The following SLIT3 variants were observed in gnomAD, a reference collection of about 807,000 sequenced individuals.
SLIT3 encodes slit guidance ligand 3, also known as slit homolog 3 protein.
A neutral mutation model predicts 184.0 loss-of-function variants in SLIT3; 68 were observed. The observed-to-expected ratio is 0.37, with a 90% confidence interval of 0.30 to 0.45. The LOEUF (loss-of-function observed/expected upper bound fraction) is 0.45, where lower values mean the gene tolerates loss of function less well. Ranked by LOEUF, SLIT3 falls within the 20% of genes least tolerant of loss-of-function variation. The pLI is 1.00. For synonymous variants in SLIT3, 831 were observed against 828.6 expected, an observed-to-expected ratio of 1.00 and a Z score of -0.05; for missense variants, 1,707 against 2,026.0, an observed-to-expected ratio of 0.84 and a Z score of 3.02.
intron 4 of SLIT3, among the ~76,000 whole-genome samples, chr5:169,072,465 A>G (rs1353400327): frequency 6.6e-6 from 1 of 152,216 alleles, no homozygotes; most frequent in Non-Finnish European, 1.5e-5. Context: ...CTCTCACATT[A>G]TTCATTCCAG....
intron 4 of SLIT3, among the ~76,000 whole-genome samples, chr5:168,961,611 T>A (rs1325719188): frequency 6.6e-6 from 1 of 152,124 alleles, no homozygotes; most frequent in Admixed American, 6.5e-5. Flanking sequence ...GAGAACAAGG[T>A]GAACCGGTAC....
chr5:168,801,794 A>C lies in SLIT3; in HGVS notation c.935+4652T>G, dbSNP rs143249015. 1.9e-4 allele frequency among the ~76,000 whole-genome samples: 29 copies of C among 152,334 alleles called. No individual in the cohort carries two copies. In the East Asian group the frequency reaches 5.6e-3, roughly 29 times the overall value. On this transcript the variant is annotated intron_variant, in intron 9 of 35. Coordinates refer to ENST00000519560, the MANE Select transcript of SLIT3 (RefSeq NM_003062.4). ...GAGCTCAGCTTCGAAGAAAATCTGCAGTGAATCATCATCTCACTGTGGGTT... is the reference window on the plus strand; with the variant it reads ...GAGCTCAGCTTCGAAGAAAATCTGCCGTGAATCATCATCTCACTGTGGGTT...
rs532433001 is a variant in SLIT3 at position 168,747,537 on chromosome 5, C to T, written c.2270+765G>A. On this transcript the variant is annotated intron_variant, in intron 20 of 35. Coordinates refer to ENST00000519560, the MANE Select transcript of SLIT3 (RefSeq NM_003062.4). ...GTGAGTGTGTGGTGCTCCTCTGGTCCTAGCTGCAGTGCTCTTGGTGCATTC... is the reference window on the plus strand; with the variant it reads ...GTGAGTGTGTGGTGCTCCTCTGGTCTTAGCTGCAGTGCTCTTGGTGCATTC... 2.6e-5 allele frequency among the ~76,000 whole-genome samples: 4 copies of T among 152,214 alleles called. No homozygotes were observed. The East Asian group carries it at 7.7e-4, about 29-fold the overall frequency.
At chr5:168,907,331 G>T (rs1761083965) in intron 4 of SLIT3, among the ~76,000 whole-genome samples, 1 of 152,196 alleles carries the variant, frequency 6.6e-6, no homozygotes, top group Non-Finnish European at 1.5e-5. Context: ...GACCATAAGA[G>T]CCTAATTCCT....
intron 14 of SLIT3, among the ~76,000 whole-genome samples, chr5:168,770,339 GT>G (rs1414821564): frequency 3.3e-5 from 5 of 152,192 alleles, no homozygotes; most frequent in Non-Finnish European, 5.9e-5. Context: ...TACATCAGCT[GT>G]CTTTTCAATG....
chr5:168,681,578 C>G (rs1761592754), intron 32 of SLIT3, among the ~76,000 whole-genome samples: 1 of 152,170 alleles, frequency 6.6e-6, no homozygotes, highest in South Asian at 2.1e-4. Flanking sequence ...TAAGACAGAG[C>G]CTGGTGTCTC....
chr5:168,786,303 A>G (rs756322238), intron 11 of SLIT3, among the ~76,000 whole-genome samples: 4 of 152,308 alleles, frequency 2.6e-5, no homozygotes, highest in Admixed American at 1.3e-4. Flanking sequence ...CTCACACCCC[A>G]GCAATAAATA....
At chr5:168,717,624 A>G (rs1343273194) in intron 23 of SLIT3, among the ~76,000 whole-genome samples, 2 of 151,866 alleles carry the variant, frequency 1.3e-5, no homozygotes, top group East Asian at 3.9e-4. Flanking sequence ...GAATAAGACA[A>G]TGATCTTGAA....
chr5:169,257,532 CCTTTTT>C (rs1444690457), intron 1 of SLIT3, among the ~76,000 whole-genome samples: 4 of 131,606 alleles, frequency 3.0e-5, no homozygotes, highest in Non-Finnish European at 4.7e-5. Context: ...TTCTATGCCT[CCTTTTT>C]TTTTTTTTTT....
At chr5:168,765,383 T>C (rs892888805) in intron 14 of SLIT3, among the ~76,000 whole-genome samples, 8 of 152,184 alleles carry the variant, frequency 5.3e-5, no homozygotes, top group Non-Finnish European at 8.8e-5. Context: ...CCCCCTGCTG[T>C]TTTTGTTATT....
intron 4 of SLIT3, among the ~76,000 whole-genome samples, chr5:168,989,979 G>A (rs1238018780): frequency 6.6e-6 from 1 of 152,188 alleles, no homozygotes; most frequent in Non-Finnish European, 1.5e-5. Flanking sequence ...AGAAAGTCCA[G>A]GTTCAGCCAT....
intron 4 of SLIT3, among the ~76,000 whole-genome samples, chr5:169,001,156 T>A (rs895098928): frequency 6.6e-6 from 1 of 152,244 alleles, no homozygotes; most frequent in African/African-American, 2.4e-5. Context: ...TAAATGAGCA[T>A]CTGATGAGGA....
rs199914264 is a variant in SLIT3 at position 168,789,586 on chromosome 5, G to C, written c.1053C>G (p.Phe351Leu). Residue 351 changes from phenylalanine to leucine, a missense_variant, in exon 11 of 36, where the codon TTC becomes TTG. Coordinates refer to ENST00000519560, the MANE Select transcript of SLIT3 (RefSeq NM_003062.4). ...NQISDIAPDA[F>L]QGLKSLTSLV... is the part of the protein sequence containing the mutation. The stretch of plus-strand genomic sequence containing the variant: ...GCGATGTGAGTGATTTCAGGCCCTG[G>C]AAGGCATCTGGAGCAATATCCGATA... The C allele has an allele frequency of 1.2e-6, 2 of 1,613,706 alleles. No individual in the cohort carries two copies. The highest frequency in any genetic ancestry group is 1.7e-6 in the Non-Finnish European group (2 of 1,179,850).
At chr5:169,174,484 T>C (rs1379165058) in intron 4 of SLIT3, among the ~76,000 whole-genome samples, 6 of 152,188 alleles carry the variant, frequency 3.9e-5, no homozygotes, top group Non-Finnish European at 8.8e-5. Context: ...GGAAAGACTC[T>C]TGTTCTGGTT....
chr5:168,768,398 GCAGCCCT>G, intron 14 of SLIT3: 1 of 415,234 alleles, frequency 2.4e-6, no homozygotes, highest in African/African-American at 2.4e-5. Flanking sequence ...TCCGAAGATT[GCAGCCCT>G]GCTGCCCTTG....
chr5:168,712,140 A>G, intron 24 of SLIT3, 143 bp downstream of exon 24: 1 of 705,622 alleles, frequency 1.4e-6, no homozygotes, highest in Non-Finnish European at 2.5e-6. Flanking sequence ...GACAATATGC[A>G]TAGTGTGGAT....
chr5:168,838,947 G>GA (rs1581132602), intron 6 of SLIT3, among the ~76,000 whole-genome samples: 2 of 152,296 alleles, frequency 1.3e-5, no homozygotes, highest in East Asian at 3.9e-4. Context: ...GGGGCCTGGG[G>GA]AACAAGAACC....
chr5:169,115,292 C>T (rs1214610844), intron 4 of SLIT3, among the ~76,000 whole-genome samples: 1 of 152,208 alleles, frequency 6.6e-6, no homozygotes, highest in Non-Finnish European at 1.5e-5. Context: ...CTAGACTCAA[C>T]ACAGGGATTG....
intron 4 of SLIT3, among the ~76,000 whole-genome samples, chr5:169,122,837 C>T (rs1760934847): frequency 6.6e-6 from 1 of 152,112 alleles, no homozygotes; most frequent in South Asian, 2.1e-4. Context: ...GATTTAGGCA[C>T]ATAATAGGAT....
Sources: allele counts gnomAD v4.1 joint callset (sites outside exome capture counted in the v4.1 genomes callset), GRCh38; gene constraint gnomAD v4.1.1; transcripts MANE v1.5; gene names NCBI Gene and HGNC (gene_info 2026-07-23, HGNC 2026-07-21).